CAMK2D: variants seen among roughly 807,000 people sequenced by gnomAD.
CAMK2D encodes the protein calcium/calmodulin-dependent protein kinase type II subunit delta.
Under a neutral mutation model 84.0 loss-of-function variants are expected in CAMK2D, and 37 were observed. That is an observed-to-expected ratio of 0.44 (90% CI 0.34 to 0.58). The LOEUF (loss-of-function observed/expected upper bound fraction) is 0.58, where lower values mean the gene tolerates loss of function less well. Among genes scored for constraint, CAMK2D ranks in the 20% least tolerant of loss-of-function variants. The pLI is 0.02. For synonymous variants in CAMK2D, 202 were observed against 212.5 expected (o/e 0.95, Z 0.43); for missense variants, 448 against 652.5 (o/e 0.69, Z 3.41).
Position 113,538,073 on chromosome 4 carries a change from T to C in CAMK2D, c.415-630A>G, listed in dbSNP as rs555959659. Among the ~76,000 whole-genome samples, 9 of 152,278 alleles carry C rather than the reference T, an allele frequency of 5.9e-5. No homozygotes were observed. In the South Asian group the frequency reaches 1.9e-3, roughly 32 times the overall value. The stretch of plus-strand genomic sequence containing the variant: ...TACTACTATTTGCCAAATGTTATAG[T>C]CAGCTTTTTTTTTTCTTTATAAGCC... On this transcript the variant is annotated intron_variant, in intron 6 of 20. Coordinates refer to ENST00000511664, the MANE Select transcript of CAMK2D (RefSeq NM_001321571.2).
chr4:113,519,024 A>C (rs528895071), intron 8 of CAMK2D, among the ~76,000 whole-genome samples: 1 of 152,052 alleles, frequency 6.6e-6, no homozygotes, highest in African/African-American at 2.4e-5. Context: ...CATAAAAATA[A>C]TTTTTCCATA....
At chr4:113,512,551 C>G (rs757264731) in intron 12 of CAMK2D, among the ~76,000 whole-genome samples, 1 of 152,098 alleles carries the variant, frequency 6.6e-6, no homozygotes, top group Non-Finnish European at 1.5e-5. Context: ...TCTAAGAGAA[C>G]TGGGTTCCTC....
intron 2 of CAMK2D, among the ~76,000 whole-genome samples, chr4:113,709,699 G>A (rs1246967930): frequency 1.5e-5 from 2 of 135,360 alleles, no homozygotes; most frequent in African/African-American, 5.7e-5. Flanking sequence ...CTGCTTTCAA[G>A]GAGGCTTTCA....
chr4:113,705,259 G>T (rs975665770), intron 2 of CAMK2D, among the ~76,000 whole-genome samples: 1 of 150,260 alleles, frequency 6.7e-6, no homozygotes, highest in Non-Finnish European at 1.5e-5. Flanking sequence ...CCCAGGAGGC[G>T]GAGCTTGCGG....
chr4:113,651,322 T>G (rs1048772428), intron 3 of CAMK2D, among the ~76,000 whole-genome samples: 10 of 152,152 alleles, frequency 6.6e-5, no homozygotes, highest in African/African-American at 2.4e-4. Flanking sequence ...ATAAATCAAA[T>G]TCAGAGAGCA....
At chr4:113,540,229 G>A (rs998097893) in intron 6 of CAMK2D, among the ~76,000 whole-genome samples, 5 of 152,098 alleles carry the variant, frequency 3.3e-5, no homozygotes, top group African/African-American at 9.7e-5. Context: ...TGTTGACAAG[G>A]TTAAATTCTG....
intron 18 of CAMK2D, among the ~76,000 whole-genome samples, chr4:113,459,542 T>C (rs566791018): frequency 2.0e-5 from 3 of 152,156 alleles, no homozygotes; most frequent in African/African-American, 7.2e-5. Flanking sequence ...TTATATATAG[T>C]TTTATGAAAA....
Position 113,662,925 on chromosome 4 carries a change from AT to A in CAMK2D, c.161-1154del, listed in dbSNP as rs567357923. Among the ~76,000 whole-genome samples, 7 of 152,120 alleles carry A rather than the reference AT, an allele frequency of 4.6e-5. No individual in the cohort carries two copies. The East Asian group carries it at 9.6e-4, about 21-fold the overall frequency. Reference sequence around the variant, plus strand: ...GTTGTATATAATGTATATAATGTAGATTTTTTTTGGCCATTTAGAAAAATAT... The same window carrying A: ...GTTGTATATAATGTATATAATGTAGATTTTTTTGGCCATTTAGAAAAATAT... On this transcript the variant is annotated intron_variant, in intron 2 of 20. Transcript: ENST00000511664.
chr4:113,508,299 G>GAAAAAAAAAAAA (rs762355705), intron 13 of CAMK2D: 1 of 1,462,910 alleles, frequency 6.8e-7, no homozygotes, highest in Non-Finnish European at 9.3e-7. Flanking sequence ...GAAAGGAAAA[G>GAAAAAAAAAAAA]AAAAAAAAAT....
intron 4 of CAMK2D, among the ~76,000 whole-genome samples, chr4:113,563,759 T>A (rs1198181184): frequency 6.6e-6 from 1 of 152,222 alleles, no homozygotes; most frequent in Non-Finnish European, 1.5e-5. Context: ...GCCACATTAT[T>A]CAAGTCTGGA....
chr4:113,632,770 T>C (rs977294978), intron 3 of CAMK2D, among the ~76,000 whole-genome samples: 4 of 152,204 alleles, frequency 2.6e-5, no homozygotes, highest in Non-Finnish European at 4.4e-5. Flanking sequence ...TCAAAGTCTA[T>C]AGACACTGAC....
chr4:113,568,725 G>A (rs2098737889), intron 4 of CAMK2D, among the ~76,000 whole-genome samples: 1 of 151,914 alleles, frequency 6.6e-6, no homozygotes, highest in African/African-American at 2.4e-5. Context: ...TCTATATCCT[G>A]GCCAACACTT....
At chr4:113,718,799 T>C (rs1013496281) in intron 2 of CAMK2D, among the ~76,000 whole-genome samples, 3 of 152,344 alleles carry the variant, frequency 2.0e-5, no homozygotes, top group African/African-American at 7.2e-5. Context: ...TCTTTTTCAC[T>C]GTAATAATTT....
intron 2 of CAMK2D, among the ~76,000 whole-genome samples, chr4:113,735,919 A>G (rs1486383333): frequency 6.6e-6 from 1 of 152,160 alleles, no homozygotes; most frequent in Non-Finnish European, 1.5e-5. Flanking sequence ...TACTGTGAAC[A>G]TCAGATAAAA....
chr4:113,655,710 C>A (rs1449817135), intron 3 of CAMK2D, among the ~76,000 whole-genome samples: 2 of 152,024 alleles, frequency 1.3e-5, no homozygotes, highest in Non-Finnish European at 2.9e-5. Context: ...GATCTTTTCC[C>A]AAATAAAGGC....
intron 3 of CAMK2D, among the ~76,000 whole-genome samples, chr4:113,645,712 GA>G (rs397976016): frequency 6.1e-4 from 89 of 146,488 alleles, no homozygotes; most frequent in Middle Eastern, 3.4e-3. Context: ...CCAGCAAGGA[GA>G]AAAAAAAAAA....
intron 2 of CAMK2D, among the ~76,000 whole-genome samples, chr4:113,725,032 T>G (rs2099541859): frequency 6.6e-6 from 1 of 152,052 alleles, no homozygotes; most frequent in Non-Finnish European, 1.5e-5. Context: ...TTCAGCGATT[T>G]AATTTCCAAA....
At chr4:113,480,036 A>G (rs1285812472) in intron 16 of CAMK2D, among the ~76,000 whole-genome samples, 1 of 152,014 alleles carries the variant, frequency 6.6e-6, no homozygotes, top group African/African-American at 2.4e-5. Context: ...ATCTTGGCTC[A>G]CTGCAACCTC....
At chr4:113,709,782 T>TATATATATAA (rs1561971636) in intron 2 of CAMK2D, among the ~76,000 whole-genome samples, 2 of 127,274 alleles carry the variant, frequency 1.6e-5, no homozygotes, top group Non-Finnish European at 3.3e-5. Context: ...TATATATATA[T>TATATATATAA]GAGAGACTTC....
Sources: gnomAD v4.1 joint callset for allele counts (sites outside exome capture counted in the v4.1 genomes callset) on GRCh38, gnomAD v4.1.1 for gene constraint, MANE v1.5 for transcripts, NCBI Gene and HGNC (gene_info 2026-07-23, HGNC 2026-07-21) for gene names.